STAM: variants seen among roughly 807,000 people sequenced by gnomAD.
STAM encodes signal transducing adaptor molecule, also known as signal transducing adapter molecule 1.
Under a neutral mutation model 63.4 loss-of-function variants are expected in STAM, and 16 were observed. The ratio of observed to expected loss-of-function variants is 0.25; its 90% CI spans 0.17 to 0.38. The LOEUF (loss-of-function observed/expected upper bound fraction) is 0.38, where lower values mean the gene tolerates loss of function less well. STAM is among the 10% of genes least tolerant of loss of function. STAM has a pLI of 1.00. For missense variants in STAM, 636 were observed against 657.1 expected, an observed-to-expected ratio of 0.97 and a Z score of 0.35; for synonymous variants, 238 against 223.9, an observed-to-expected ratio of 1.06 and a Z score of -0.56.
At chr10:17,689,880 A>G (rs1431676687) in intron 5 of STAM, among the ~76,000 whole-genome samples, 2 of 152,206 alleles carry the variant, frequency 1.3e-5, no homozygotes, top group Admixed American at 6.5e-5. Context: ...CAGAGGATTT[A>G]TATGCACGTT....
At chr10:17,681,146 T>A (rs79710144) in intron 2 of STAM, among the ~76,000 whole-genome samples, 6,863 of 151,954 alleles carry the variant, frequency 0.045, 196 homozygotes, top group Middle Eastern at 0.13. Flanking sequence ...ATTTTTTCTG[T>A]TTTTCTTTAT....
intron 1 of STAM, among the ~76,000 whole-genome samples, chr10:17,652,787 G>A (rs189047967): frequency 6.9e-4 from 105 of 152,286 alleles, no homozygotes; most frequent in African/African-American, 2.4e-3. Context: ...TGTTCAGAAT[G>A]ACTCACTCAA....
At chr10:17,647,467 C>T (rs1358920123) in intron 1 of STAM, among the ~76,000 whole-genome samples, 11 of 151,886 alleles carry the variant, frequency 7.2e-5, no homozygotes, top group African/African-American at 2.7e-4. Flanking sequence ...AGTTGAGTGC[C>T]CTGCGGCTCA....
chr10:17,658,046 G>A (rs1834012544), intron 1 of STAM, among the ~76,000 whole-genome samples: 3 of 151,758 alleles, frequency 2.0e-5, no homozygotes, highest in Non-Finnish European at 4.4e-5. Context: ...GTTTCCTAAG[G>A]TAGAAGCTTA....
intron 1 of STAM, among the ~76,000 whole-genome samples, chr10:17,656,127 A>C (rs1221613316): frequency 6.6e-6 from 1 of 151,866 alleles, no homozygotes; most frequent in Non-Finnish European, 1.5e-5. Context: ...ACCCGTCTCT[A>C]CTAAAAATAC....
At chr10:17,697,515 T>G (rs1835813592) in intron 8 of STAM, among the ~76,000 whole-genome samples, 1 of 152,230 alleles carries the variant, frequency 6.6e-6, no homozygotes. Flanking sequence ...TTACAAACCC[T>G]GCTGAGTAGG....
intron 1 of STAM, among the ~76,000 whole-genome samples, chr10:17,649,844 C>A (rs1319876217): frequency 6.6e-6 from 1 of 152,164 alleles, no homozygotes; most frequent in Non-Finnish European, 1.5e-5. Flanking sequence ...AACTCCTAGC[C>A]TCAAGTGATC....
At chr10:17,680,866 G>T (rs541360200) in intron 2 of STAM, among the ~76,000 whole-genome samples, 3 of 152,270 alleles carry the variant, frequency 2.0e-5, no homozygotes, top group African/African-American at 7.2e-5. Flanking sequence ...CCATTTATGC[G>T]TCTGTGGACA....
At chr10:17,683,531 T>C (rs1031588634) in intron 2 of STAM, among the ~76,000 whole-genome samples, 7 of 152,184 alleles carry the variant, frequency 4.6e-5, no homozygotes, top group African/African-American at 1.4e-4. Context: ...TTCATTTTTT[T>C]TCTCTCTGTA....
chr10:17,693,099 T>G (rs1835610609), intron 5 of STAM, 123 bp from the exon 6 acceptor site: 1 of 716,678 alleles, frequency 1.4e-6, no homozygotes, highest in African/African-American at 1.8e-5. Context: ...TGCTGCAGTT[T>G]GGATTTCTTC....
At position 17,693,289 on chromosome 10, in the gene STAM, A is replaced by T. The variant is rs146689436; in HGVS notation, c.512A>T (p.Lys171Ile). ...GATCCTGGTACTGTGGCTAACAAAA[A>T]AGAAGAAGAAGATTTAGCAAAAGGT... ...AKDPGTVANKKEEEDLAKAIE... is the reference protein window; with the variant it reads ...AKDPGTVANKIEEEDLAKAIE... Residue 171 changes from lysine to isoleucine, a missense_variant, in exon 6 of 14, where the codon AAA (lysine) becomes ATA (isoleucine). Physicochemically the swap from Lys to Ile is moderately radical, Grantham distance 102 (BLOSUM62 -3). This residue lies in a region of STAM where 532 missense variants were observed against 536.9 expected (regional missense o/e 0.99). Coordinates refer to ENST00000377524, the MANE Select transcript of STAM (RefSeq NM_003473.4). 6.8e-6 allele frequency: 11 copies of T among 1,611,254 alleles called. No individual in the cohort carries two copies. Among genetic ancestry groups the T allele is most frequent in the African/African-American group, 1.3e-5 (1 of 74,896 alleles).
intron 5 of STAM, among the ~76,000 whole-genome samples, chr10:17,689,402 T>C (rs1205209715): frequency 1.3e-5 from 2 of 152,194 alleles, no homozygotes; most frequent in African/African-American, 2.4e-5. Context: ...ATTTCCAGTT[T>C]ATCTGAGCAC....
intron 2 of STAM, among the ~76,000 whole-genome samples, chr10:17,673,343 G>A (rs1287162120): frequency 6.6e-6 from 1 of 152,144 alleles, no homozygotes; most frequent in Non-Finnish European, 1.5e-5. Flanking sequence ...AACTTTATAA[G>A]GAAGATGACT....
chr10:17,661,415 T>C (rs1834159731), intron 2 of STAM, among the ~76,000 whole-genome samples: 1 of 152,236 alleles, frequency 6.6e-6, no homozygotes, highest in Admixed American at 6.5e-5. Flanking sequence ...TTCCTGAAAC[T>C]TTCCCTGATT....
intron 2 of STAM, among the ~76,000 whole-genome samples, chr10:17,680,768 G>A (rs114991925): frequency 6.6e-6 from 1 of 152,124 alleles, no homozygotes; most frequent in Non-Finnish European, 1.5e-5. Context: ...GTCCTGTTGT[G>A]ACCAGCTTAT....
chr10:17,672,906 A>C, intron 2 of STAM: 1 of 355,836 alleles, frequency 2.8e-6, no homozygotes, highest in Non-Finnish European at 3.9e-6. Flanking sequence ...GAAAAGTGAG[A>C]GATAATTCTC....
rs985197248 is a variant in STAM at position 17,706,373 on chromosome 10, T to C, written c.1209+632T>C. On this transcript the variant is annotated intron_variant, in intron 12 of 13. Transcript: ENST00000377524. ...AGAATCCTCAGGGTTGAGGCCCTTT[T>C]TTTTTTTTTTTTTTTTTTTTTTTGA... is the stretch of plus-strand genomic sequence containing the variant. 7.0e-3 allele frequency among the ~76,000 whole-genome samples: 737 copies of C among 105,064 alleles called. 11 individuals carry two copies. The highest frequency in any genetic ancestry group is 0.023 in the African/African-American group (653 of 28,938). 68.9% of individuals were successfully genotyped at this position (105,064 alleles called of 152,430 possible).
intron 9 of STAM, among the ~76,000 whole-genome samples, chr10:17,703,442 C>A (rs911546475): frequency 1.3e-5 from 2 of 150,952 alleles, no homozygotes; most frequent in East Asian, 3.9e-4. Flanking sequence ...TAAATAATTA[C>A]TTTGCTTAGG....
intron 1 of STAM, among the ~76,000 whole-genome samples, chr10:17,654,842 A>T (rs566270202): frequency 2.0e-4 from 30 of 152,218 alleles, no homozygotes; most frequent in African/African-American, 6.7e-4. Context: ...TGGCATTCTG[A>T]TGTTTCTTGA....
Sources: gnomAD v4.1 joint callset for allele counts (sites outside exome capture counted in the v4.1 genomes callset) on GRCh38, gnomAD v4.1.1 for gene constraint, gnomAD v4.1.1 regional missense constraint, MANE v1.5 for transcripts, NCBI Gene and HGNC (gene_info 2026-07-23, HGNC 2026-07-21) for gene names.